RAB2A: variants seen among roughly 807,000 people sequenced by gnomAD.
RAB2A encodes the protein RAB2A, member RAS oncogene family.
Under a neutral mutation model 32.5 loss-of-function variants are expected in RAB2A, and 7 were observed. The observed-to-expected ratio is 0.22, with a 90% CI of 0.12 to 0.40. RAB2A has a LOEUF of 0.40. Among genes scored for constraint, RAB2A ranks in the 10% least tolerant of loss-of-function variants. RAB2A has a pLI of 1.00. For missense variants in RAB2A, 108 were observed against 260.7 expected (o/e 0.41, Z 4.03); for synonymous variants, 79 against 85.2 (o/e 0.93, Z 0.40).
At chr8:60,547,874 G>A (rs1166778027) in intron 1 of RAB2A, among the ~76,000 whole-genome samples, 4 of 122,084 alleles carry the variant, frequency 3.3e-5, no homozygotes, top group South Asian at 2.8e-4. Flanking sequence ...CTGGCCGGGC[G>A]GGGGGCTGAC....
intron 3 of RAB2A, among the ~76,000 whole-genome samples, chr8:60,575,093 G>GT (rs59359164): frequency 0.08 from 10,251 of 127,986 alleles, 1,118 homozygotes; most frequent in African/African-American, 0.25. Context: ...TTTTTTGGGG[G>GT]TTTTTTTTTT....
intron 2 of RAB2A, among the ~76,000 whole-genome samples, chr8:60,569,509 T>A (rs1808164122): frequency 6.6e-6 from 1 of 152,140 alleles, no homozygotes; most frequent in Non-Finnish European, 1.5e-5. Context: ...CTTTATTAAT[T>A]GTTTTTATTT....
chr8:60,550,043 C>CT (rs1025397033), intron 1 of RAB2A, among the ~76,000 whole-genome samples: 28 of 152,172 alleles, frequency 1.8e-4, no homozygotes, highest in African/African-American at 6.7e-4. Flanking sequence ...TCCTGAATGT[C>CT]TTTCTTGAAA....
At chr8:60,587,655 A>AT (rs572992805) in intron 5 of RAB2A, among the ~76,000 whole-genome samples, 252 of 152,340 alleles carry the variant, frequency 1.7e-3, no homozygotes, top group African/African-American at 5.7e-3. Context: ...ACAAAAAACG[A>AT]TAACTGTGAG....
chr8:60,582,799 C>A (rs1394987072), intron 3 of RAB2A, among the ~76,000 whole-genome samples: 1 of 152,160 alleles, frequency 6.6e-6, no homozygotes, highest in Admixed American at 6.5e-5. Context: ...TGACCTTGAG[C>A]AGTAGGATAT....
intron 1 of RAB2A, among the ~76,000 whole-genome samples, chr8:60,554,860 A>T (rs1586079735): frequency 1.3e-5 from 2 of 152,186 alleles, no homozygotes; most frequent in South Asian, 4.1e-4. Context: ...CTCAAAAAAA[A>T]AAAGAAAGAA....
intron 1 of RAB2A, among the ~76,000 whole-genome samples, chr8:60,549,120 A>C (rs1807800750): frequency 8.2e-6 from 1 of 122,676 alleles, no homozygotes; most frequent in Admixed American, 8.1e-5. Context: ...CCTAGATGGG[A>C]TGGCGGCCGG....
chr8:60,541,458 GCAGT>G (rs1202736683), intron 1 of RAB2A, among the ~76,000 whole-genome samples: 1 of 152,152 alleles, frequency 6.6e-6, no homozygotes, highest in East Asian at 1.9e-4. Context: ...ACTTTGGGAG[GCAGT>G]CAGATCACCT....
chr8:60,596,134 T>C (rs1352878051), intron 6 of RAB2A, among the ~76,000 whole-genome samples: 3 of 152,184 alleles, frequency 2.0e-5, no homozygotes, highest in Non-Finnish European at 2.9e-5. Context: ...TTATACGTTA[T>C]ACAAAAATTA....
intron 3 of RAB2A, among the ~76,000 whole-genome samples, chr8:60,574,135 G>A (rs556027351): frequency 1.3e-5 from 2 of 151,792 alleles, no homozygotes; most frequent in Admixed American, 1.3e-4. Flanking sequence ...GCCGTTTTTT[G>A]TTTTCTTTTC....
At chr8:60,553,880 G>A (rs1288158238) in intron 1 of RAB2A, among the ~76,000 whole-genome samples, 1 of 152,112 alleles carries the variant, frequency 6.6e-6, no homozygotes, top group Non-Finnish European at 1.5e-5. Flanking sequence ...TACCAAAGAG[G>A]GTATATGAAG....
At chr8:60,556,502 A>G (rs542437050) in intron 1 of RAB2A, among the ~76,000 whole-genome samples, 1 of 152,006 alleles carries the variant, frequency 6.6e-6, no homozygotes, top group East Asian at 1.9e-4. Flanking sequence ...TTAAAAAAAA[A>G]TTTTAAGAAC....
chr8:60,550,801 C>A (rs1396801145), intron 1 of RAB2A, among the ~76,000 whole-genome samples: 1 of 152,080 alleles, frequency 6.6e-6, no homozygotes, highest in East Asian at 1.9e-4. Context: ...CCAGTGAATC[C>A]CCTATTTTAT....
At chr8:60,531,798 A>ATTTTTTTTTT (rs11320293) in intron 1 of RAB2A, among the ~76,000 whole-genome samples, 2 of 129,726 alleles carry the variant, frequency 1.5e-5, no homozygotes, top group African/African-American at 5.7e-5. Context: ...TTCTACCTTG[A>ATTTTTTTTTT]TTTTTTTTTT....
chr8:60,545,497 G>A (rs1382631824), intron 1 of RAB2A, among the ~76,000 whole-genome samples: 4 of 152,040 alleles, frequency 2.6e-5, no homozygotes, highest in African/African-American at 7.3e-5. Context: ...GGCTGGTCAC[G>A]AACTCCTGGG....
chr8:60,587,026 C>G (rs1405784966), intron 5 of RAB2A, among the ~76,000 whole-genome samples: 2 of 151,598 alleles, frequency 1.3e-5, no homozygotes, highest in African/African-American at 4.8e-5. Flanking sequence ...GACAAGCTGA[C>G]TTTAAAGTTT....
chr8:60,592,864 T>G (rs1172373268), intron 6 of RAB2A, among the ~76,000 whole-genome samples: 1 of 152,158 alleles, frequency 6.6e-6, no homozygotes, highest in Non-Finnish European at 1.5e-5. Context: ...TTATCCAAAG[T>G]AATACTTAGT....
chr8:60,530,437 T>TG (rs1348746130), intron 1 of RAB2A, among the ~76,000 whole-genome samples: 7 of 152,058 alleles, frequency 4.6e-5, no homozygotes, highest in African/African-American at 1.7e-4. Flanking sequence ...TGAGCCCCCA[T>TG]GCCTGGCTGC....
intron 1 of RAB2A, among the ~76,000 whole-genome samples, chr8:60,551,333 G>A (rs1255488210): frequency 6.6e-6 from 1 of 152,232 alleles, no homozygotes; most frequent in African/African-American, 2.4e-5. Context: ...GGCTAATGCT[G>A]AAAATGAATG....
Sources: gnomAD v4.1 joint callset for allele counts (sites outside exome capture counted in the v4.1 genomes callset) on GRCh38, gnomAD v4.1.1 for gene constraint, MANE v1.5 for transcripts, NCBI Gene and HGNC (gene_info 2026-07-23, HGNC 2026-07-21) for gene names.